KCNAB1: variants seen among roughly 807,000 people sequenced by gnomAD.
The protein encoded by KCNAB1 is voltage-gated potassium channel subunit beta-1.
KCNAB1 carries 35 observed loss-of-function variants against 64.6 expected under a neutral mutation model. The observed-to-expected ratio is 0.54, with a 90% CI of 0.41 to 0.72. The LOEUF (loss-of-function observed/expected upper bound fraction) is 0.72. KCNAB1 is among the 30% of genes least tolerant of loss of function. The pLI, the probability that KCNAB1 is intolerant of heterozygous loss-of-function variation, is 0.00. For missense variants in KCNAB1, 401 were observed against 512.9 expected (o/e 0.78, Z 2.11); for synonymous variants, 177 against 183.8 (o/e 0.96, Z 0.30).
intron 1 of KCNAB1, among the ~76,000 whole-genome samples, chr3:156,349,981 T>C (rs1182940975): frequency 6.6e-6 from 1 of 152,248 alleles, no homozygotes; most frequent in Admixed American, 6.5e-5. Flanking sequence ...GATTTTCTTC[T>C]TAACCTAGGA....
chr3:156,293,023 A>G (rs1027529), intron 1 of KCNAB1, among the ~76,000 whole-genome samples: 17,598 of 152,252 alleles, frequency 0.12, 2,990 homozygotes, highest in African/African-American at 0.38. Flanking sequence ...AATTGTTGCA[A>G]TTCTACTGGT....
intron 8 of KCNAB1, among the ~76,000 whole-genome samples, chr3:156,491,054 A>G (rs1715594768): frequency 6.6e-6 from 1 of 152,130 alleles, no homozygotes; most frequent in South Asian, 2.1e-4. Context: ...ATTCTAAGCA[A>G]AAAGATGATG....
At chr3:156,400,576 T>G (rs1306905269) in intron 1 of KCNAB1, among the ~76,000 whole-genome samples, 1 of 152,216 alleles carries the variant, frequency 6.6e-6, no homozygotes, top group East Asian at 1.9e-4. Context: ...AACAGGATAA[T>G]TCAAGCCCTT....
chr3:156,186,210 A>C (rs1713180135), intron 1 of KCNAB1, among the ~76,000 whole-genome samples: 1 of 152,116 alleles, frequency 6.6e-6, no homozygotes, highest in Non-Finnish European at 1.5e-5. Context: ...TCTCTTTTCA[A>C]GTTCCCTTCT....
intron 1 of KCNAB1, among the ~76,000 whole-genome samples, chr3:156,223,192 C>T (rs534041894): frequency 6.6e-6 from 1 of 152,256 alleles, no homozygotes; most frequent in African/African-American, 2.4e-5. Context: ...AGCTGCAGAC[C>T]TTTGCGGTGA....
intron 2 of KCNAB1, among the ~76,000 whole-genome samples, chr3:156,428,779 A>G (rs1716011642): frequency 6.6e-6 from 1 of 152,206 alleles, no homozygotes; most frequent in African/African-American, 2.4e-5. Flanking sequence ...TCGCAGGTCA[A>G]GAGGACAATT....
intron 1 of KCNAB1, among the ~76,000 whole-genome samples, chr3:156,147,469 A>G (rs1715105573): frequency 6.6e-6 from 1 of 152,228 alleles, no homozygotes; most frequent in Non-Finnish European, 1.5e-5. Flanking sequence ...GACATTGTTT[A>G]AATAGAAACC....
intron 8 of KCNAB1, among the ~76,000 whole-genome samples, chr3:156,479,619 A>G (rs116706185): frequency 0.024 from 3,672 of 152,278 alleles, 74 homozygotes; most frequent in Non-Finnish European, 0.037. Flanking sequence ...TGATTTTTAA[A>G]TTAAATTAAA....
At chr3:156,388,825 G>T (rs1326267894) in intron 1 of KCNAB1, among the ~76,000 whole-genome samples, 2 of 152,212 alleles carry the variant, frequency 1.3e-5, no homozygotes, top group African/African-American at 2.4e-5. Context: ...GCCCACAACA[G>T]TTGAGGGCTT....
chr3:156,251,584 T>A, intron 1 of KCNAB1, among the ~76,000 whole-genome samples: 1 of 152,134 alleles, frequency 6.6e-6, no homozygotes, highest in Admixed American at 6.6e-5. Context: ...TTTGCTCATT[T>A]GGTCACATTC....
At chr3:156,424,037 A>G (rs1576846905) in intron 2 of KCNAB1, among the ~76,000 whole-genome samples, 1 of 152,318 alleles carries the variant, frequency 6.6e-6, no homozygotes, top group East Asian at 1.9e-4. Context: ...TGGTGTGTCC[A>G]TTGGGAGAGA....
intron 1 of KCNAB1, among the ~76,000 whole-genome samples, chr3:156,301,767 G>A (rs1272422197): frequency 6.6e-6 from 1 of 152,136 alleles, no homozygotes. Flanking sequence ...AAAAACAAGT[G>A]GACATTTGCC....
At chr3:156,510,253 A>G (rs1717112358) in intron 8 of KCNAB1, among the ~76,000 whole-genome samples, 1 of 152,200 alleles carries the variant, frequency 6.6e-6, no homozygotes, top group East Asian at 1.9e-4. Context: ...TTTCTGCTAC[A>G]CATCTCATGC....
At chr3:156,443,921 G>C (rs1473927366) in intron 2 of KCNAB1, among the ~76,000 whole-genome samples, 1 of 152,154 alleles carries the variant, frequency 6.6e-6, no homozygotes, top group African/African-American at 2.4e-5. Context: ...AGGTGTGAAA[G>C]CATCCCACCC....
intron 1 of KCNAB1, among the ~76,000 whole-genome samples, chr3:156,323,165 C>A (rs896869682): frequency 6.6e-6 from 1 of 152,080 alleles, no homozygotes; most frequent in Non-Finnish European, 1.5e-5. Context: ...ATTGGGGGCT[C>A]ACCTATGTAA....
At chr3:156,304,836 G>C (rs1721382823) in intron 1 of KCNAB1, among the ~76,000 whole-genome samples, 1 of 152,190 alleles carries the variant, frequency 6.6e-6, no homozygotes. Flanking sequence ...ATCATCAGGT[G>C]TTAATAGGTA....
intron 1 of KCNAB1, among the ~76,000 whole-genome samples, chr3:156,135,246 C>T (rs1452231099): frequency 6.6e-6 from 1 of 152,144 alleles, no homozygotes; most frequent in East Asian, 1.9e-4. Flanking sequence ...ATCCTCCCAG[C>T]TCGGCCTCCC....
intron 7 of KCNAB1, among the ~76,000 whole-genome samples, chr3:156,465,946 T>A (rs1181244922): frequency 6.6e-6 from 1 of 152,188 alleles, no homozygotes; most frequent in Non-Finnish European, 1.5e-5. Context: ...AACATTCTCA[T>A]AAGACTTTTT....
intron 1 of KCNAB1, among the ~76,000 whole-genome samples, chr3:156,270,702 C>G (rs1188725792): frequency 2.0e-5 from 3 of 152,068 alleles, no homozygotes. Flanking sequence ...TTTCATCTTT[C>G]TACTTAAGAT....
Sources: gnomAD v4.1 joint callset for allele counts (sites outside exome capture counted in the v4.1 genomes callset) on GRCh38, gnomAD v4.1.1 for gene constraint, MANE v1.5 for transcripts, NCBI Gene and HGNC (gene_info 2026-07-23, HGNC 2026-07-21) for gene names.